The following PRELID2 variants were observed in gnomAD, a reference collection of about 807,000 sequenced individuals.
PRELID2 encodes the protein PRELI domain containing 2, also known as PRELI domain-containing protein 2.
In PRELID2, 25 loss-of-function variants were observed where a neutral mutation model predicts 28.4. The ratio of observed to expected loss-of-function variants is 0.88; its 90% CI spans 0.64 to 1.23. PRELID2 has a LOEUF of 1.23. PRELID2 is among the 50% of genes most tolerant of loss of function. The pLI is 0.00. For missense variants in PRELID2, 201 were observed against 214.4 expected (o/e 0.94, Z 0.39); for synonymous variants, 76 against 71.6 (o/e 1.06, Z -0.31).
intron 1 of PRELID2, among the ~76,000 whole-genome samples, chr5:145,515,658 C>T (rs1199353772): frequency 6.6e-6 from 1 of 152,144 alleles, no homozygotes; most frequent in Non-Finnish European, 1.5e-5. Flanking sequence ...CAGCATCATC[C>T]TGATACCAAA....
At chr5:145,698,521 C>T (rs1008714160) in intron 1 of PRELID2, among the ~76,000 whole-genome samples, 2 of 152,088 alleles carry the variant, frequency 1.3e-5, no homozygotes, top group Non-Finnish European at 2.9e-5. Flanking sequence ...GCTGGGAAGT[C>T]CAAGATCAAG....
chr5:145,746,236 T>A (rs565172971), intron 1 of PRELID2, among the ~76,000 whole-genome samples: 4 of 151,448 alleles, frequency 2.6e-5, no homozygotes, highest in African/African-American at 9.7e-5. Context: ...AGATAAAGAG[T>A]CAAGACCCGT....
At chr5:145,387,643 C>A in the PRELID2 span, among the ~76,000 whole-genome samples, 1 of 152,088 alleles carries the variant, frequency 6.6e-6, no homozygotes, top group Admixed American at 6.6e-5. Context: ...GGTTTAAAGA[C>A]AAACTAGGCT....
the PRELID2 span, among the ~76,000 whole-genome samples, chr5:145,261,727 T>G: frequency 6.6e-6 from 1 of 152,146 alleles, no homozygotes. Flanking sequence ...TCTGACATAG[T>G]CTACCCAAAT....
At chr5:145,324,113 G>T in the PRELID2 span, among the ~76,000 whole-genome samples, 1 of 152,268 alleles carries the variant, frequency 6.6e-6, no homozygotes, top group African/African-American at 2.4e-5. Flanking sequence ...TCTCCACAAA[G>T]AATTCGGACT....
At chr5:145,824,729 T>C (rs750488286) in intron 1 of PRELID2, among the ~76,000 whole-genome samples, 6 of 152,174 alleles carry the variant, frequency 3.9e-5, no homozygotes, top group Non-Finnish European at 8.8e-5. Context: ...AAAATGAGCC[T>C]GCCTTCAGTC....
intron 1 of PRELID2, among the ~76,000 whole-genome samples, chr5:145,833,722 G>A (rs560186101): frequency 2.6e-5 from 4 of 152,288 alleles, no homozygotes; most frequent in African/African-American, 7.2e-5. Context: ...ACACCTTATC[G>A]TTTAACAAAT....
At chr5:145,799,195 T>C (rs1481874974) in intron 4 of PRELID2, among the ~76,000 whole-genome samples, 2 of 145,618 alleles carry the variant, frequency 1.4e-5, no homozygotes, top group Admixed American at 1.4e-4. Context: ...AGGCAAGAAG[T>C]GAATGGAATG....
chr5:145,581,457 A>G (rs1343083984), intron 1 of PRELID2, among the ~76,000 whole-genome samples: 2 of 152,062 alleles, frequency 1.3e-5, no homozygotes, highest in African/African-American at 2.4e-5. Flanking sequence ...ATTTGCATTA[A>G]TGCAGTAAGA....
chr5:145,656,993 C>G (rs1240389497), intron 1 of PRELID2, among the ~76,000 whole-genome samples: 1 of 152,148 alleles, frequency 6.6e-6, no homozygotes, highest in Non-Finnish European at 1.5e-5. Flanking sequence ...TTAATTAGAA[C>G]ACACAGACAA....
At chr5:145,296,143 T>C in the PRELID2 span, among the ~76,000 whole-genome samples, 1 of 151,982 alleles carries the variant, frequency 6.6e-6, no homozygotes, top group African/African-American at 2.4e-5. Context: ...CATGTTGAAA[T>C]TTAGCTTCCA....
intron 1 of PRELID2, among the ~76,000 whole-genome samples, chr5:145,555,976 G>A (rs1282736945): frequency 1.3e-5 from 2 of 152,040 alleles, no homozygotes; most frequent in African/African-American, 2.4e-5. Flanking sequence ...TCAGGAGTTC[G>A]AGACTAGCCT....
At chr5:145,468,352 T>A (rs1208670475), downstream of PRELID2, among the ~76,000 whole-genome samples, 3 of 152,200 alleles carry the variant, frequency 2.0e-5, no homozygotes, top group East Asian at 5.8e-4. Flanking sequence ...GTCTTTGCTA[T>A]TGTGAATAGT....
At chr5:145,600,434 A>AAAAATATATATATATATATAT (rs1315631607) in intron 1 of PRELID2, among the ~76,000 whole-genome samples, 9 of 120,092 alleles carry the variant, frequency 7.5e-5, no homozygotes, top group African/African-American at 3.7e-4. Context: ...AAAAAAAAAA[A>AAAAATATATATATATATATAT]ATATATATAT....
intron 1 of PRELID2, among the ~76,000 whole-genome samples, chr5:145,529,548 C>G (rs1752638222): frequency 6.6e-6 from 1 of 152,120 alleles, no homozygotes; most frequent in Admixed American, 6.6e-5. Context: ...AATACTGTCA[C>G]TTGTCCTCAG....
At chr5:145,428,254 C>T in the PRELID2 span, among the ~76,000 whole-genome samples, 12 of 152,198 alleles carry the variant, frequency 7.9e-5, no homozygotes, top group South Asian at 2.1e-4. Flanking sequence ...TCACCGTGCC[C>T]GGCCAAACAA....
chr5:145,530,359 A>G (rs1421230226), intron 1 of PRELID2, among the ~76,000 whole-genome samples: 1 of 152,146 alleles, frequency 6.6e-6, no homozygotes. Flanking sequence ...ATAATTCATT[A>G]CAAACTCATG....
chr5:145,243,723 G>A, the PRELID2 span, among the ~76,000 whole-genome samples: 1 of 151,882 alleles, frequency 6.6e-6, no homozygotes, highest in Admixed American at 6.6e-5. Flanking sequence ...ATACAATTAA[G>A]GTTTACAGAA....
At chr5:145,816,646 T>A (rs1754325658) in intron 4 of PRELID2, among the ~76,000 whole-genome samples, 1 of 152,164 alleles carries the variant, frequency 6.6e-6, no homozygotes, top group African/African-American at 2.4e-5. Context: ...CTTTCGTATG[T>A]GGATATCCAG....
Sources: allele counts gnomAD v4.1 joint callset (sites outside exome capture counted in the v4.1 genomes callset), GRCh38; gene constraint gnomAD v4.1.1; transcripts MANE v1.5; gene names NCBI Gene and HGNC (gene_info 2026-07-23, HGNC 2026-07-21).